Variants in C5orf24 observed in about 807,000 individuals in gnomAD.
C5orf24 encodes UPF0461 protein C5orf24.
Under a neutral mutation model 9.8 loss-of-function variants are expected in C5orf24, and 4 were observed. The ratio of observed to expected loss-of-function variants is 0.41; its 90% CI spans 0.20 to 0.93. The LOEUF (loss-of-function observed/expected upper bound fraction) is 0.93, where lower values mean the gene tolerates loss of function less well. Among genes scored for constraint, C5orf24 ranks in the 40% least tolerant of loss-of-function variants. The pLI is 0.33. For synonymous variants in C5orf24, 73 were observed against 81.3 expected (o/e 0.90, Z 0.55); for missense variants, 170 against 236.9 (o/e 0.72, Z 1.85).
rs1756334949 is a variant in C5orf24 at position 134,857,095 on chromosome 5, T to C, written c.*1628T>C. The C allele has an allele frequency of 1.7e-6, 2 of 1,189,326 alleles. No homozygotes were observed. Among genetic ancestry groups the C allele is most frequent in the African/African-American group, 3.2e-5 (2 of 63,344 alleles). The allele number at this position is 1,189,326 out of a possible 1,614,324, so 73.7% of individuals were successfully genotyped here. A position where few individuals can be genotyped will look rare whatever the true frequency, so the allele number is the denominator to read the frequency against. ...CTTTCCTTTCTGAAAGTAATACTTC[T>C]TGTTACACATTTTATTTATTGAGTT... On this transcript the variant is annotated 3_prime_UTR_variant, in exon 2 of 2. Coordinates refer to ENST00000394976, the MANE Select transcript of C5orf24 (RefSeq NM_001135586.1).
At chr5:134,842,684 T>C (rs1176310485), upstream of C5orf24, among the ~76,000 whole-genome samples, 1 of 152,110 alleles carries the variant, frequency 6.6e-6, no homozygotes, top group Non-Finnish European at 1.5e-5. Context: ...TGGCTAGATC[T>C]CCTTCTAAAG....
the C5orf24 span, among the ~76,000 whole-genome samples, chr5:134,835,248 T>G: frequency 6.6e-6 from 1 of 150,848 alleles, no homozygotes; most frequent in East Asian, 1.9e-4. Flanking sequence ...ATGATACACA[T>G]TTAAGTTTGA....
Position 134,858,168 on chromosome 5 carries a change from A to G in C5orf24, c.*2701A>G, listed in dbSNP as rs551312196. ...ATGGCTACAGTTGTAAATGGATAAC[A>G]TCATTTAGAAAGCCGAATTTACTGT... is the stretch of plus-strand genomic sequence containing the variant. On this transcript the variant is annotated 3_prime_UTR_variant, in exon 2 of 2. Transcript: ENST00000394976. The G allele has an allele frequency of 2.4e-5, 4 of 167,088 alleles. No homozygotes were observed. Among genetic ancestry groups the G allele is most frequent in the Non-Finnish European group, 4.4e-5 (3 of 68,128 alleles). 10.4% of individuals were successfully genotyped at this position (167,088 alleles called of 1,614,324 possible). A position where few individuals can be genotyped will look rare whatever the true frequency, so the allele number is the denominator to read the frequency against.
chr5:134,849,067 C>A (rs1215641983), intron 1 of C5orf24, among the ~76,000 whole-genome samples: 2 of 150,520 alleles, frequency 1.3e-5, no homozygotes, highest in Non-Finnish European at 2.9e-5. Flanking sequence ...CCAGCCTGGC[C>A]AACATAATGA....
At position 134,856,238 on chromosome 5, in the gene C5orf24, G is replaced by A. The variant is rs1472899217; in HGVS notation, c.*771G>A. The A allele has an allele frequency of 1.0e-6, 1 of 990,250 alleles. No homozygotes were observed. The highest frequency in any genetic ancestry group is 1.8e-5 in the African/African-American group (1 of 56,986). The allele number at this position is 990,250 out of a possible 1,614,324, so 61.3% of individuals were successfully genotyped here. ...CATTACATTTTTGGTGAAATATAGTGCATTCTGAGGATAGCATATTTCATA... is the reference window on the plus strand; with the variant it reads ...CATTACATTTTTGGTGAAATATAGTACATTCTGAGGATAGCATATTTCATA... On this transcript the variant is annotated 3_prime_UTR_variant, in exon 2 of 2. Coordinates refer to ENST00000394976, the MANE Select transcript of C5orf24 (RefSeq NM_001135586.1).
upstream of C5orf24, among the ~76,000 whole-genome samples, chr5:134,841,938 CTT>C (rs1271583942): frequency 4.6e-5 from 7 of 152,142 alleles, no homozygotes; most frequent in Non-Finnish European, 1.0e-4. Flanking sequence ...ACATGACTAA[CTT>C]TGTGCAATGT....
chr5:134,844,433 C>T (rs919282324), upstream of C5orf24, among the ~76,000 whole-genome samples: 2 of 151,898 alleles, frequency 1.3e-5, no homozygotes, highest in African/African-American at 4.8e-5. Flanking sequence ...CAGTCTCCTT[C>T]CTCCTATCTC....
At chr5:134,852,873 T>C (rs1756195241) in intron 1 of C5orf24, among the ~76,000 whole-genome samples, 2 of 151,282 alleles carry the variant, frequency 1.3e-5, no homozygotes, top group Admixed American at 6.6e-5. Context: ...CTCATTTCTA[T>C]TAAAAATACA....
chr5:134,856,231 A>G lies in C5orf24; in HGVS notation c.*764A>G, dbSNP rs1162155058. 2.0e-6 allele frequency: 2 copies of G among 991,626 alleles called. No homozygotes were observed. The highest frequency in any genetic ancestry group is 1.8e-5 in the African/African-American group (1 of 57,044). The allele number at this position is 991,626 out of a possible 1,614,324, so 61.4% of individuals were successfully genotyped here. On this transcript the variant is annotated 3_prime_UTR_variant, in exon 2 of 2. Coordinates refer to ENST00000394976, the MANE Select transcript of C5orf24 (RefSeq NM_001135586.1). ...AACTGCACATTACATTTTTGGTGAAATATAGTGCATTCTGAGGATAGCATA... is the reference window on the plus strand; with the variant it reads ...AACTGCACATTACATTTTTGGTGAAGTATAGTGCATTCTGAGGATAGCATA...
intron 1 of C5orf24, among the ~76,000 whole-genome samples, chr5:134,853,923 T>C (rs937442995): frequency 1.3e-5 from 2 of 151,988 alleles, no homozygotes; most frequent in Admixed American, 6.6e-5. Flanking sequence ...TCTACAAAAG[T>C]ACAAAAATTA....
Position 134,855,457 on chromosome 5 carries a change from C to G in C5orf24, c.557C>G (p.Pro186Arg). Residue 186 changes from proline (P) to arginine (R), a missense_variant, in exon 2 of 2, where the codon CCC (proline) becomes CGC (arginine). Physicochemically the swap from Pro to Arg is moderately radical, Grantham distance 103. Transcript: ENST00000394976. ...GAAACTAGCAGTGAAGTCAAACCAC[C>G]CAATGAGTGAATGAGGCAGGAAAAG... ...VEETSSEVKPPNE is the reference protein window; with the variant it reads ...VEETSSEVKPRNE The G allele has an allele frequency of 6.2e-7, 1 of 1,614,082 alleles. No individual in the cohort carries two copies. The highest frequency in any genetic ancestry group is 8.5e-7 in the Non-Finnish European group (1 of 1,180,008).
At chr5:134,842,203 A>G (rs1242949812), upstream of C5orf24, among the ~76,000 whole-genome samples, 1 of 152,274 alleles carries the variant, frequency 6.6e-6, no homozygotes, top group African/African-American at 2.4e-5. Flanking sequence ...AATCTAAAAT[A>G]AGTTGGCTGC....
chr5:134,844,979 GCC>G (rs1755953951), upstream of C5orf24, among the ~76,000 whole-genome samples: 1 of 151,942 alleles, frequency 6.6e-6, no homozygotes, highest in Non-Finnish European at 1.5e-5. Flanking sequence ...CTCGTGATCT[GCC>G]CGCCTCGGCC....
At position 134,857,222 on chromosome 5, in the gene C5orf24, A is replaced by G. The variant is rs1403789892; in HGVS notation, c.*1755A>G. 2.3e-6 allele frequency: 3 copies of G among 1,307,214 alleles called. No homozygotes were observed. The highest frequency in any genetic ancestry group is 3.0e-5 in the African/African-American group (2 of 66,526). 81.0% of individuals were successfully genotyped at this position (1,307,214 alleles called of 1,614,324 possible). A position where few individuals can be genotyped will look rare whatever the true frequency, so the allele number is the denominator to read the frequency against. On this transcript the variant is annotated 3_prime_UTR_variant, in exon 2 of 2. Coordinates refer to ENST00000394976, the MANE Select transcript of C5orf24 (RefSeq NM_001135586.1). The stretch of plus-strand genomic sequence containing the variant: ...GGATTTTAAATGCCTTTGAGATTAA[A>G]ATGTAGAATTGCAGGACCCAAAAAC...
chr5:134,836,448 C>T, the C5orf24 span, among the ~76,000 whole-genome samples: 1,874 of 152,030 alleles, frequency 0.012, 38 homozygotes, highest in African/African-American at 0.042. Context: ...GCTGGGATTA[C>T]GGGCGTGAGC....
In C5orf24 at chr5:134,855,327, G is replaced by C; in HGVS notation, c.427G>C (p.Gly143Arg). The C allele has an allele frequency of 2.5e-6, 4 of 1,614,136 alleles. No homozygotes were observed. The highest frequency in any genetic ancestry group is 3.4e-6 in the Non-Finnish European group (4 of 1,180,036). Residue 143 changes from glycine (G) to arginine (R), a missense_variant, in exon 2 of 2, where the codon GGT becomes CGT. Gly to Arg is a moderately radical substitution (Grantham distance 125). Transcript: ENST00000394976. The stretch of plus-strand genomic sequence containing the variant: ...CAAAGTCAGCCCAGGCAGACCTCCA[G>C]GTAGCATTAAAGCTCTATCCCGTCT... ...GYKVSPGRPP[G>R]SIKALSRLAD...
chr5:134,854,497 C>T (rs1451211329), intron 1 of C5orf24, among the ~76,000 whole-genome samples: 1 of 152,182 alleles, frequency 6.6e-6, no homozygotes, highest in African/African-American at 2.4e-5. Flanking sequence ...CTAAGAACAT[C>T]AGGCAAACTG....
chr5:134,858,595 A>G lies in C5orf24; in HGVS notation c.*3128A>G. 1 of 167,140 alleles carries G rather than the reference A, an allele frequency of 6.0e-6. No individual in the cohort carries two copies. 10.4% of individuals were successfully genotyped at this position (167,140 alleles called of 1,614,324 possible). On this transcript the variant is annotated 3_prime_UTR_variant, in exon 2 of 2. Transcript: ENST00000394976. ...TTCTATATTTAAACTGTTGGTCAGA[A>G]AATGATCTGCAATTCAAGTAAGTCT...
At chr5:134,835,371 C>T in the C5orf24 span, among the ~76,000 whole-genome samples, 19 of 152,154 alleles carry the variant, frequency 1.2e-4, no homozygotes, top group South Asian at 1.9e-3. Flanking sequence ...AGGAAGAGGC[C>T]GGATGCGTTG....
Sources: gnomAD v4.1 joint callset for allele counts (sites outside exome capture counted in the v4.1 genomes callset) on GRCh38, gnomAD v4.1.1 for gene constraint, MANE v1.5 for transcripts, NCBI Gene and HGNC (gene_info 2026-07-23, HGNC 2026-07-21) for gene names.